The following LRRFIP1 variants were observed in gnomAD, a reference collection of about 807,000 sequenced individuals.
LRRFIP1 encodes LRR binding FLII interacting protein 1.
LRRFIP1 carries 62 observed loss-of-function variants against 104.4 expected under a neutral mutation model. That is an observed-to-expected ratio of 0.59 (90% CI 0.48 to 0.73). LRRFIP1 has a LOEUF of 0.73. Among genes scored for constraint, LRRFIP1 ranks in the 30% least tolerant of loss-of-function variants. LRRFIP1 has a pLI of 0.00. For synonymous variants in LRRFIP1, 300 were observed against 299.0 expected (o/e 1.00, Z -0.03); for missense variants, 796 against 824.5 (o/e 0.97, Z 0.42).
At chr2:237,695,030 G>A (rs1486808646) in intron 1 of LRRFIP1, among the ~76,000 whole-genome samples, 1 of 152,196 alleles carries the variant, frequency 6.6e-6, no homozygotes, top group Non-Finnish European at 1.5e-5. Context: ...TGACCAATAT[G>A]GGGATGAATC....
intron 1 of LRRFIP1, among the ~76,000 whole-genome samples, chr2:237,643,325 G>T (rs554717223): frequency 6.6e-6 from 1 of 152,338 alleles, no homozygotes; most frequent in African/African-American, 2.4e-5. Flanking sequence ...CAGAACCTCT[G>T]GGGGTGGAGC....
chr2:237,675,513 G>A (rs1287222364), intron 1 of LRRFIP1, among the ~76,000 whole-genome samples: 1 of 152,194 alleles, frequency 6.6e-6, no homozygotes, highest in Admixed American at 6.5e-5. Context: ...AAAACAGAGA[G>A]CTGAGAGCAG....
intron 19 of LRRFIP1, chr2:237,768,210 C>T (rs1384531963): frequency 1.3e-5 from 2 of 152,150 alleles, no homozygotes; most frequent in South Asian, 4.1e-4. Context: ...CAAACTCTTT[C>T]GTTCTTGTTT....
chr2:237,629,166 A>G (rs1001598266), intron 1 of LRRFIP1, among the ~76,000 whole-genome samples: 6 of 152,262 alleles, frequency 3.9e-5, no homozygotes, highest in Non-Finnish European at 8.8e-5. Flanking sequence ...CCAGGCACAT[A>G]CTAGGTGTTT....
intron 1 of LRRFIP1, among the ~76,000 whole-genome samples, chr2:237,678,436 T>A (rs928462973): frequency 6.6e-6 from 1 of 152,086 alleles, no homozygotes; most frequent in Admixed American, 6.5e-5. Flanking sequence ...CAGGGACAAA[T>A]GTCAGCTCCC....
At chr2:237,715,851 A>G (rs559196188) in intron 3 of LRRFIP1, among the ~76,000 whole-genome samples, 1 of 152,362 alleles carries the variant, frequency 6.6e-6, no homozygotes, top group South Asian at 2.1e-4. Flanking sequence ...GCTGCTGGCT[A>G]ACCCAGGAAC....
chr2:237,674,796 G>A (rs535719946), intron 1 of LRRFIP1, among the ~76,000 whole-genome samples: 2 of 152,256 alleles, frequency 1.3e-5, no homozygotes, highest in African/African-American at 2.4e-5. Context: ...CGTCACTTTC[G>A]GGTTGTTGCT....
intron 1 of LRRFIP1, among the ~76,000 whole-genome samples, chr2:237,651,369 C>T (rs543068957): frequency 1.3e-5 from 2 of 152,352 alleles, no homozygotes; most frequent in South Asian, 4.1e-4. Flanking sequence ...CACTTGAATT[C>T]CTTGGTATCA....
At chr2:237,687,686 T>G (rs907206375) in intron 1 of LRRFIP1, among the ~76,000 whole-genome samples, 8 of 152,046 alleles carry the variant, frequency 5.3e-5, no homozygotes, top group Admixed American at 5.2e-4. Flanking sequence ...AGTAATTTAC[T>G]GACATTTATT....
At position 237,766,270 on chromosome 2, in the gene LRRFIP1, G is replaced by A. The variant is rs1396059179; in HGVS notation, c.1460-3673G>A. Among the ~76,000 whole-genome samples the A allele has an allele frequency of 6.6e-6, 1 of 152,194 alleles. No individual in the cohort carries two copies. Among genetic ancestry groups the A allele is most frequent in the East Asian group, 1.9e-4 (1 of 5,196 alleles). On this transcript the variant is annotated intron_variant, in intron 19 of 23. Transcript: ENST00000308482. The surrounding 1 kb of genome is among the most constrained non-coding windows in gnomAD (Gnocchi z 4.8). ...GATGAAAACGGCAAAAACCTTGACT[G>A]TTTCTGCTCAAGTGTCCTGAAGTAG...
At chr2:237,663,991 T>C (rs1428341425) in intron 1 of LRRFIP1, among the ~76,000 whole-genome samples, 2 of 151,194 alleles carry the variant, frequency 1.3e-5, no homozygotes, top group Non-Finnish European at 2.9e-5. Flanking sequence ...AAGGAAGGGG[T>C]GAGCAGAGGA....
intron 19 of LRRFIP1, chr2:237,763,541 C>A: frequency 1.2e-6 from 2 of 1,613,074 alleles, no homozygotes; most frequent in Non-Finnish European, 1.7e-6. Context: ...GGAAGAAGAG[C>A]AGGTAAAGTC....
Position 237,753,461 on chromosome 2 carries a change from G to A in LRRFIP1, c.1020G>A (p.Gln340=), listed in dbSNP as rs761405638. 2 of 1,589,136 alleles carry A rather than the reference G, an allele frequency of 1.3e-6. No homozygotes were observed. Among genetic ancestry groups the A allele is most frequent in the Non-Finnish European group, 1.7e-6 (2 of 1,174,094 alleles). ...LEEQLAESRR[Q]YEEKNKEFER... ...AACAGCTGGCTGAATCTAGGCGGCA[G>A]TACGAAGAGAAAAACAAAGTAAGCA... Residue 340 remains glutamine, a synonymous_variant, in exon 15 of 24, where the codon CAG becomes CAA. Coordinates refer to ENST00000308482, the MANE Select transcript of LRRFIP1 (RefSeq NM_001137550.2).
rs910912192 is a variant in LRRFIP1, at chr2:237,739,152, G to T, written c.556-80G>T. The T allele has an allele frequency of 1.1e-5, 14 of 1,262,016 alleles. No individual in the cohort carries two copies. In the Middle Eastern group the frequency reaches 6.4e-4, roughly 58 times the overall value. 78.2% of individuals were successfully genotyped at this position (1,262,016 alleles called of 1,614,324 possible). ...CACTTACTGCAGCATGTTTTCTGTC[G>T]GCCTCTATTCTCCTTGCTCCTTTGC... On this transcript the variant is annotated intron_variant, in intron 10 of 23. Coordinates refer to ENST00000308482, the MANE Select transcript of LRRFIP1 (RefSeq NM_001137550.2).
chr2:237,715,730 A>G (rs1247620607), intron 3 of LRRFIP1, among the ~76,000 whole-genome samples: 1 of 152,226 alleles, frequency 6.6e-6, no homozygotes, highest in African/African-American at 2.4e-5. Context: ...CTCTGGAATC[A>G]AAGCTATTTC....
intron 1 of LRRFIP1, chr2:237,692,534 C>A (rs753238212): frequency 1.3e-6 from 2 of 1,506,936 alleles, no homozygotes; most frequent in South Asian, 1.2e-5. Flanking sequence ...AAGAGGAAAG[C>A]GCTTCCGAAA....
intron 3 of LRRFIP1, among the ~76,000 whole-genome samples, chr2:237,715,792 G>C (rs1345552730): frequency 6.6e-6 from 1 of 152,240 alleles, no homozygotes; most frequent in Non-Finnish European, 1.5e-5. Context: ...GATCATGGTA[G>C]TGATTGACGT....
intron 2 of LRRFIP1, among the ~76,000 whole-genome samples, chr2:237,709,520 G>A (rs1024162634): frequency 6.6e-6 from 1 of 152,206 alleles, no homozygotes; most frequent in African/African-American, 2.4e-5. Flanking sequence ...TTAAAAAGGC[G>A]AGCCAGTGTT....
At chr2:237,695,784 G>C (rs1444849719) in intron 1 of LRRFIP1, among the ~76,000 whole-genome samples, 1 of 151,424 alleles carries the variant, frequency 6.6e-6, no homozygotes, top group African/African-American at 2.4e-5. Context: ...AAAGAAGCTT[G>C]TTTTCATGGA....
Sources: gnomAD v4.1 joint callset for allele counts (sites outside exome capture counted in the v4.1 genomes callset) on GRCh38, gnomAD v4.1.1 for gene constraint, Gnocchi (gnomAD v3.1) non-coding constraint, MANE v1.5 for transcripts, NCBI Gene and HGNC (gene_info 2026-07-23, HGNC 2026-07-21) for gene names.